The following NCKAP5 variants were observed in gnomAD, a reference collection of about 807,000 sequenced individuals.
NCKAP5 encodes the protein NCK associated protein 5.
NCKAP5 carries 92 observed loss-of-function variants against 167.0 expected under a neutral mutation model. The ratio of observed to expected loss-of-function variants is 0.55; its 90% CI spans 0.47 to 0.66. The LOEUF is 0.66. Among genes scored for constraint, NCKAP5 ranks in the 30% least tolerant of loss-of-function variants. The pLI, the probability that NCKAP5 is intolerant of heterozygous loss-of-function variation, is 0.00. For missense variants in NCKAP5, 2,378 were observed against 2,315.0 expected, an observed-to-expected ratio of 1.03 and a Z score of -0.56; for synonymous variants, 891 against 877.4, an observed-to-expected ratio of 1.02 and a Z score of -0.27.
rs752027662 is a variant in NCKAP5, at chr2:132,783,368, A to G, written c.3443T>C (p.Val1148Ala). Reference sequence around the variant, plus strand: ...AGACTTCATGAGCACTTTGAGTCCCACTGGAAGGCGAGTTTTCAGTCCTTT... The same window carrying G: ...AGACTTCATGAGCACTTTGAGTCCCGCTGGAAGGCGAGTTTTCAGTCCTTT... The part of the protein sequence containing the change: ...HEKGLKTRLP[V>A]GLKVLMKSPQ... The change falls in exon 14 of 20, where the codon GTG becomes GCG. Residue 1148 changes from valine to alanine, a missense_variant. Physicochemically the swap from Val to Ala is moderately conservative, Grantham distance 64 (BLOSUM62 0). Around this residue, in one of 3 missense-constraint regions of NCKAP5, gnomAD observed 1,325 missense variants for 1,274.5 expected, o/e 1.04. Transcript: ENST00000409261. 1.7e-5 allele frequency: 28 copies of G among 1,609,444 alleles called. No homozygotes were observed. The highest frequency in any genetic ancestry group is 2.2e-5 in the Non-Finnish European group (26 of 1,178,136).
rs138140725 is a variant in NCKAP5, at chr2:132,962,737, C to T, written c.579+983G>A. 9.2e-3 allele frequency among the ~76,000 whole-genome samples: 1,404 copies of T among 152,204 alleles called. 8 individuals carry two copies. Among genetic ancestry groups the T allele is most frequent in the Non-Finnish European group, 0.011 (764 of 68,002 alleles). On this transcript the variant is annotated intron_variant, in intron 8 of 19. Transcript: ENST00000409261. ...TCCTGAGTAACTGGGACTACAGGCA[C>T]GTGCCACCACGCCTGGCTAATTTTT...
intron 6 of NCKAP5, among the ~76,000 whole-genome samples, chr2:133,054,760 T>A (rs16846451): frequency 1.3e-5 from 2 of 152,104 alleles, no homozygotes; most frequent in Admixed American, 6.5e-5. Flanking sequence ...CCCACTCTTA[T>A]CAAATCCAGT....
chr2:133,532,691 G>T (rs563842713), intron 2 of NCKAP5, among the ~76,000 whole-genome samples: 1 of 152,058 alleles, frequency 6.6e-6, no homozygotes, highest in African/African-American at 2.4e-5. Flanking sequence ...CTTTATTTCA[G>T]TATATATGTA....
At chr2:133,100,997 T>C (rs1444289361) in intron 6 of NCKAP5, among the ~76,000 whole-genome samples, 2 of 152,162 alleles carry the variant, frequency 1.3e-5, no homozygotes. Flanking sequence ...TCCTGAATGG[T>C]AATGCCTAGG....
At chr2:133,652,547 C>T in the NCKAP5 span, among the ~76,000 whole-genome samples, 1 of 152,206 alleles carries the variant, frequency 6.6e-6, no homozygotes, top group Non-Finnish European at 1.5e-5. Context: ...TTCTTCATTC[C>T]TCCCTGTAGT....
chr2:133,062,138 G>A (rs576039834), intron 6 of NCKAP5, among the ~76,000 whole-genome samples: 1 of 152,284 alleles, frequency 6.6e-6, no homozygotes, highest in East Asian at 1.9e-4. Context: ...CTCCTGTAAG[G>A]AATTATAATG....
At chr2:132,860,388 T>G (rs1689799417) in intron 11 of NCKAP5, 104 bp downstream of exon 11, 5 of 1,253,790 alleles carry the variant, frequency 4.0e-6, no homozygotes, top group Middle Eastern at 1.9e-4. Context: ...GGGATTCTGA[T>G]GCAATATGCC....
intron 6 of NCKAP5, among the ~76,000 whole-genome samples, chr2:133,001,799 G>A (rs1018165327): frequency 3.3e-5 from 5 of 152,050 alleles, no homozygotes; most frequent in South Asian, 2.1e-4. Flanking sequence ...TAAGCCCTCC[G>A]TATCTGTGAG....
At chr2:133,125,339 T>C (rs2082369907) in intron 6 of NCKAP5, among the ~76,000 whole-genome samples, 1 of 152,008 alleles carries the variant, frequency 6.6e-6, no homozygotes, top group Non-Finnish European at 1.5e-5. Context: ...AACACTTCAT[T>C]ACCTCAACAT....
intron 3 of NCKAP5, among the ~76,000 whole-genome samples, chr2:133,466,436 G>C (rs1279505148): frequency 1.3e-5 from 2 of 148,842 alleles, no homozygotes; most frequent in Non-Finnish European, 3.0e-5. Context: ...TTTGAAGTCA[G>C]GTAGTGTGAT....
intron 12 of NCKAP5, 132 bp downstream of exon 12, chr2:132,796,496 A>G: frequency 1.8e-6 from 1 of 562,304 alleles, no homozygotes; most frequent in Non-Finnish European, 3.2e-6. Context: ...CAGAGAACAC[A>G]AGAAAGGAAG....
At chr2:132,953,403 G>A (rs2149159229) in intron 8 of NCKAP5, among the ~76,000 whole-genome samples, 1 of 152,086 alleles carries the variant, frequency 6.6e-6, no homozygotes, top group East Asian at 1.9e-4. Context: ...TTCTGTCTTG[G>A]TGCTCCACTG....
At chr2:132,895,460 A>C (rs1168486234) in intron 8 of NCKAP5, among the ~76,000 whole-genome samples, 1 of 152,064 alleles carries the variant, frequency 6.6e-6, no homozygotes, top group African/African-American at 2.4e-5. Flanking sequence ...TTATTAGTTC[A>C]GTTTTGTATA....
chr2:133,218,607 G>A lies in NCKAP5; in HGVS notation c.144-4828C>T, dbSNP rs143410416. 7.9e-3 allele frequency among the ~76,000 whole-genome samples: 1,197 copies of A among 152,278 alleles called. 9 individuals are homozygous for A. The highest frequency in any genetic ancestry group is 0.012 in the Non-Finnish European group (839 of 68,008). Reference sequence around the variant, plus strand: ...GAATGTAAGAATGTTCTAGAAAATTGCCTTGAATCCTCATTCTTAATTGTT... The same window carrying A: ...GAATGTAAGAATGTTCTAGAAAATTACCTTGAATCCTCATTCTTAATTGTT... On this transcript the variant is annotated intron_variant, in intron 4 of 19. Transcript: ENST00000409261.
intron 6 of NCKAP5, among the ~76,000 whole-genome samples, chr2:133,094,377 G>A (rs2081282261): frequency 6.6e-6 from 1 of 152,098 alleles, no homozygotes; most frequent in African/African-American, 2.4e-5. Flanking sequence ...TAATTATATT[G>A]CTGCAGTAAC....
chr2:133,185,311 C>G (rs2084898556), intron 5 of NCKAP5, among the ~76,000 whole-genome samples: 1 of 151,988 alleles, frequency 6.6e-6, no homozygotes, highest in African/African-American at 2.4e-5. Context: ...TTCTTTCTCA[C>G]TGGTCTATGT....
intron 19 of NCKAP5, among the ~76,000 whole-genome samples, chr2:132,677,255 C>T (rs558997951): frequency 6.6e-6 from 1 of 151,960 alleles, no homozygotes; most frequent in African/African-American, 2.4e-5. Flanking sequence ...TAGGGCTAAA[C>T]AGACAAGATG....
chr2:133,469,584 T>A (rs530554909), intron 3 of NCKAP5, among the ~76,000 whole-genome samples: 1 of 152,128 alleles, frequency 6.6e-6, no homozygotes, highest in Non-Finnish European at 1.5e-5. Context: ...GAAGTTCTCC[T>A]GGATAATATC....
chr2:132,994,493 A>C (rs989286360), intron 6 of NCKAP5, among the ~76,000 whole-genome samples: 1 of 152,086 alleles, frequency 6.6e-6, no homozygotes, highest in African/African-American at 2.4e-5. Flanking sequence ...TCATGCACCT[A>C]TCTCCCAATA....
Sources: gnomAD v4.1 joint callset for allele counts (sites outside exome capture counted in the v4.1 genomes callset) on GRCh38, gnomAD v4.1.1 for gene constraint, gnomAD v4.1.1 regional missense constraint, MANE v1.5 for transcripts, NCBI Gene and HGNC (gene_info 2026-07-23, HGNC 2026-07-21) for gene names.